Variants in LEPR observed in about 807,000 individuals in gnomAD.
The protein encoded by LEPR is OB receptor.
A neutral mutation model predicts 114.7 loss-of-function variants in LEPR; 56 were observed. That is an observed-to-expected ratio of 0.49 (90% CI 0.39 to 0.61). The LOEUF (loss-of-function observed/expected upper bound fraction) is 0.61, where lower values mean the gene tolerates loss of function less well. Ranked by LOEUF, LEPR falls within the 20% of genes least tolerant of loss-of-function variation. The probability of loss-of-function intolerance (pLI) is 0.00; values close to 1 mark genes in which losing one functional copy is unlikely to be tolerated. For missense variants in LEPR, 1,202 were observed against 1,352.9 expected, an observed-to-expected ratio of 0.89 and a Z score of 1.75; for synonymous variants, 443 against 461.4, an observed-to-expected ratio of 0.96 and a Z score of 0.51.
intron 2 of LEPR, among the ~76,000 whole-genome samples, chr1:65,478,832 G>A (rs1306146220): frequency 1.3e-5 from 2 of 152,108 alleles, no homozygotes; most frequent in Non-Finnish European, 2.9e-5. Context: ...CAACAAGTAG[G>A]ACCAATGGAA....
At chr1:65,551,155 A>C (rs1238940263) in intron 2 of LEPR, among the ~76,000 whole-genome samples, 1 of 152,238 alleles carries the variant, frequency 6.6e-6, no homozygotes, top group African/African-American at 2.4e-5. Context: ...AATGTTCATC[A>C]GGGATATTGG....
At chr1:65,634,085 A>G (rs918248542) in intron 19 of LEPR, 11 of 985,276 alleles carry the variant, frequency 1.1e-5, no homozygotes, top group Non-Finnish European at 1.3e-5. Flanking sequence ...GTGAGGACAG[A>G]ACTTTTCTAC....
chr1:65,608,719 T>C (rs1656981737), intron 11 of LEPR, 34 bp from the exon 12 acceptor site: 4 of 1,601,058 alleles, frequency 2.5e-6, no homozygotes, highest in Non-Finnish European at 3.4e-6. Context: ...CTATTTAAAT[T>C]ACCATCACTT....
chr1:65,618,210 T>A, intron 16 of LEPR, 64 bp downstream of exon 16: 15 of 1,416,122 alleles, frequency 1.1e-5, no homozygotes, highest in Non-Finnish European at 1.4e-5. Context: ...GATTATTAAT[T>A]CTATTAATAT....
At chr1:65,466,417 T>C (rs1262086382) in intron 2 of LEPR, among the ~76,000 whole-genome samples, 2 of 152,216 alleles carry the variant, frequency 1.3e-5, no homozygotes, top group Admixed American at 1.3e-4. Flanking sequence ...TGGGCTTCTC[T>C]TTGTGGGTAG....
At chr1:65,449,951 G>T (rs1443944567) in intron 2 of LEPR, among the ~76,000 whole-genome samples, 5 of 151,978 alleles carry the variant, frequency 3.3e-5, no homozygotes, top group Admixed American at 3.3e-4. Context: ...GAAAAGTCAT[G>T]CTTTTATTTT....
chr1:65,536,861 C>A (rs988849886), intron 2 of LEPR, among the ~76,000 whole-genome samples: 1 of 152,000 alleles, frequency 6.6e-6, no homozygotes, highest in South Asian at 2.1e-4. Flanking sequence ...AATTTTGATG[C>A]GGCTTTTAAC....
At chr1:65,616,426 T>C (rs1250271008) in intron 15 of LEPR, among the ~76,000 whole-genome samples, 2 of 152,184 alleles carry the variant, frequency 1.3e-5, no homozygotes, top group Non-Finnish European at 2.9e-5. Context: ...AGCTTTCATT[T>C]GGGAGAACAT....
At chr1:65,518,907 T>C (rs1032460683) in intron 2 of LEPR, among the ~76,000 whole-genome samples, 6,931 of 118,546 alleles carry the variant, frequency 0.058, 191 homozygotes, top group Middle Eastern at 0.096. Context: ...CTTTCTTTCT[T>C]TCTTTCTTTC....
intron 2 of LEPR, among the ~76,000 whole-genome samples, chr1:65,547,874 T>C (rs1178892582): frequency 1.2e-4 from 15 of 126,902 alleles, no homozygotes; most frequent in Non-Finnish European, 2.4e-4. Flanking sequence ...TGCTCTTGCT[T>C]TTCTAGTTCT....
Position 65,610,102 on chromosome 1 carries a change from A to G in LEPR, c.1908A>G (p.Ile636Met). The G allele has an allele frequency of 6.2e-7, 1 of 1,614,214 alleles. No individual in the cohort carries two copies. Among genetic ancestry groups the G allele is most frequent in the Non-Finnish European group, 8.5e-7 (1 of 1,180,018 alleles). Residue 636 changes from isoleucine (I) to methionine (M), a missense_variant, in exon 13 of 20, where the codon ATA becomes ATG. Coordinates refer to ENST00000349533, the MANE Select transcript of LEPR (RefSeq NM_002303.6). ...SNPAYTVVMD[I>M]KVPMRGPEFW... ...CAGCCTACACAGTTGTCATGGATATAAAAGGTCTGCAGAGATTTTGTAAAT... is the reference window on the plus strand; with the variant it reads ...CAGCCTACACAGTTGTCATGGATATGAAAGGTCTGCAGAGATTTTGTAAAT...
chr1:65,576,799 T>A (rs1259535342), intron 5 of LEPR: 5 of 239,172 alleles, frequency 2.1e-5, no homozygotes, highest in Non-Finnish European at 4.4e-5. Context: ...GTCCCCTTTT[T>A]TTGGAAAATG....
At chr1:65,527,376 GAC>G (rs1048783277) in intron 2 of LEPR, among the ~76,000 whole-genome samples, 3 of 152,172 alleles carry the variant, frequency 2.0e-5, no homozygotes, top group African/African-American at 7.2e-5. Flanking sequence ...ATTAGGAATG[GAC>G]ACACGCACAC....
intron 19 of LEPR, chr1:65,634,058 T>C (rs912289637): frequency 2.3e-5 from 23 of 985,232 alleles, no homozygotes; most frequent in Non-Finnish European, 2.8e-5. Context: ...CTTTGGAGCT[T>C]TTATGAATAG....
chr1:65,575,687 A>G (rs755151380), intron 5 of LEPR, among the ~76,000 whole-genome samples: 5 of 151,560 alleles, frequency 3.3e-5, no homozygotes, highest in Non-Finnish European at 7.3e-5. Context: ...TAAGAAAATC[A>G]TGGCAAGTTC....
Position 65,529,742 on chromosome 1 carries a change from C to G in LEPR, c.-20-35804C>G, listed in dbSNP as rs185714947. On this transcript the variant is annotated intron_variant, in intron 2 of 19. Coordinates refer to ENST00000349533, the MANE Select transcript of LEPR (RefSeq NM_002303.6). ...CATCCAGTAGTCAGTTGTCAGTGTT[C>G]ATTTTACTTCACTACTGGTAGCATT... Among the ~76,000 whole-genome samples the G allele has an allele frequency of 7.9e-5, 12 of 152,282 alleles. No individual in the cohort carries two copies. The East Asian group carries it at 2.1e-3, about 27-fold the overall frequency.
At chr1:65,475,104 A>G (rs1647142042) in intron 2 of LEPR, among the ~76,000 whole-genome samples, 1 of 151,720 alleles carries the variant, frequency 6.6e-6, no homozygotes, top group Admixed American at 6.6e-5. Flanking sequence ...AAACTCAAAA[A>G]GTAAAGAAGC....
At chr1:65,595,094 G>A (rs1655969156) in intron 6 of LEPR, among the ~76,000 whole-genome samples, 1 of 151,992 alleles carries the variant, frequency 6.6e-6, no homozygotes, top group Admixed American at 6.6e-5. Context: ...TGGAGTAAAG[G>A]GGAAGCTTGA....
chr1:65,565,862 C>T (rs1475606739), intron 3 of LEPR, among the ~76,000 whole-genome samples: 5 of 150,686 alleles, frequency 3.3e-5, no homozygotes, highest in Admixed American at 1.3e-4. Context: ...CACACACACA[C>T]AGACTCACAC....
Sources: allele counts gnomAD v4.1 joint callset (sites outside exome capture counted in the v4.1 genomes callset), GRCh38; gene constraint gnomAD v4.1.1; transcripts MANE v1.5; gene names NCBI Gene and HGNC (gene_info 2026-07-23, HGNC 2026-07-21).